Variants in MBTD1 observed in about 807,000 individuals in gnomAD.
The protein encoded by MBTD1 is mbt domain containing 1.
Under a neutral mutation model 87.8 loss-of-function variants are expected in MBTD1, and 24 were observed. The observed-to-expected ratio is 0.27, with a 90% CI of 0.20 to 0.38. MBTD1 has a LOEUF of 0.38. MBTD1 is among the 10% of genes least tolerant of loss of function. The pLI is 1.00. For synonymous variants in MBTD1, 237 were observed against 248.6 expected, an observed-to-expected ratio of 0.95 and a Z score of 0.44; for missense variants, 436 against 760.2, an observed-to-expected ratio of 0.57 and a Z score of 5.02.
intron 6 of MBTD1, among the ~76,000 whole-genome samples, chr17:51,208,392 C>T (rs2051975651): frequency 6.6e-6 from 1 of 152,216 alleles, no homozygotes; most frequent in Admixed American, 6.5e-5. Flanking sequence ...TTCATTGTGA[C>T]TACCTCTTCT....
chr17:51,218,112 ACTTCTATTTACTCACTTATTGCCT>A (rs1472271471), intron 5 of MBTD1, among the ~76,000 whole-genome samples: 7 of 151,992 alleles, frequency 4.6e-5, no homozygotes, highest in East Asian at 1.9e-4. Flanking sequence ...CTTTCTATTT[ACTTCTATTTACTCACTTATTGCCT>A]CTTCTATTTA....
chr17:51,191,005 G>A (rs990654996), intron 16 of MBTD1, among the ~76,000 whole-genome samples: 7 of 151,588 alleles, frequency 4.6e-5, no homozygotes, highest in African/African-American at 1.7e-4. Context: ...GACTGCTTGA[G>A]CCAGGGAAGG....
intron 12 of MBTD1, among the ~76,000 whole-genome samples, chr17:51,198,466 C>T (rs1050454343): frequency 1.3e-5 from 2 of 152,240 alleles, no homozygotes; most frequent in African/African-American, 4.8e-5. Context: ...TTACTACTCT[C>T]AAGCTTGAGA....
In MBTD1 at chr17:51,195,201, T is replaced by G. The variant is rs780425489; in HGVS notation, c.1372+13A>C. On this transcript the variant is annotated intron_variant, in intron 13 of 16. Coordinates refer to ENST00000586178, the MANE Select transcript of MBTD1 (RefSeq NM_017643.3). ...AACAATTAAAACCCAGTGTTTATAT[T>G]AGGATGAAGTACCTCTGGGTGGAGT... 1.9e-6 allele frequency: 3 copies of G among 1,603,808 alleles called. No individual in the cohort carries two copies. The highest frequency in any genetic ancestry group is 1.7e-6 in the Non-Finnish European group (2 of 1,176,488).
intron 2 of MBTD1, among the ~76,000 whole-genome samples, chr17:51,231,331 G>A (rs2053539694): frequency 6.6e-6 from 1 of 152,122 alleles, no homozygotes; most frequent in East Asian, 1.9e-4. Flanking sequence ...ACCCTTAAAT[G>A]TCAACCCAGA....
chr17:51,224,235 T>A (rs1424066894), intron 3 of MBTD1, among the ~76,000 whole-genome samples: 1 of 152,142 alleles, frequency 6.6e-6, no homozygotes, highest in African/African-American at 2.4e-5. Flanking sequence ...CAGAATACAG[T>A]GACCAGGATA....
chr17:51,260,524 G>A (rs994141269), upstream of MBTD1: 12 of 1,535,520 alleles, frequency 7.8e-6, no homozygotes, highest in South Asian at 6.2e-5. Context: ...CCCGCGAGGG[G>A]CCTGGGCGCA....
chr17:51,241,628 A>G (rs926695530), intron 2 of MBTD1, among the ~76,000 whole-genome samples: 4 of 151,996 alleles, frequency 2.6e-5, no homozygotes, highest in Admixed American at 2.0e-4. Context: ...CAGTGGTGCT[A>G]TCCTGGCTCA....
At chr17:51,183,983 G>GT (rs1361297123) in intron 16 of MBTD1, 1 of 152,194 alleles carries the variant, frequency 6.6e-6, no homozygotes, top group East Asian at 1.9e-4. Context: ...TTAAAAAAAT[G>GT]TAAGAAAGGT....
At chr17:51,237,867 G>A (rs1424038731) in intron 2 of MBTD1, among the ~76,000 whole-genome samples, 1 of 152,112 alleles carries the variant, frequency 6.6e-6, no homozygotes, top group East Asian at 1.9e-4. Context: ...CCCCAAACTG[G>A]AAACAATTTA....
Position 51,203,837 on chromosome 17 carries a change from T to G in MBTD1, c.693A>C (p.Pro231=). 1 of 1,613,682 alleles carries G rather than the reference T, an allele frequency of 6.2e-7. No individual in the cohort carries two copies. The highest frequency in any genetic ancestry group is 8.5e-7 in the Non-Finnish European group (1 of 1,179,816). The change falls in exon 8 of 17, where the codon CCA becomes CCC. Residue 231 remains proline, a synonymous_variant. Transcript: ENST00000586178. ...TTCCGCTGGCTGCACACCAACCAAC[T>G]GGATGGATATCAGAACCACATATAT... ...WCNICGSDIH[P]VGWCAASGKP...
intron 2 of MBTD1, among the ~76,000 whole-genome samples, chr17:51,234,820 A>G (rs984735933): frequency 3.9e-5 from 6 of 152,142 alleles, no homozygotes; most frequent in Admixed American, 2.0e-4. Context: ...CAGCCTCCCA[A>G]GTAGCTGGGA....
rs567881115 is a variant in MBTD1 at position 51,217,636 on chromosome 17, T to C, written c.404-220A>G. 4.6e-5 allele frequency among the ~76,000 whole-genome samples: 7 copies of C among 152,174 alleles called. No individual in the cohort carries two copies. The East Asian group carries it at 1.2e-3, about 25-fold the overall frequency. On this transcript the variant is annotated intron_variant, in intron 5 of 16. Coordinates refer to ENST00000586178, the MANE Select transcript of MBTD1 (RefSeq NM_017643.3). ...GTTTCTTTATGTTTTTGAGACTGAG[T>C]CTCCCTCTGACACCTAGGCTGGAGT... is the stretch of plus-strand genomic sequence containing the variant.
At chr17:51,190,750 A>AAAAAATATATATATATATATATAT (rs1555677185) in intron 16 of MBTD1, among the ~76,000 whole-genome samples, 1 of 39,684 alleles carries the variant, frequency 2.5e-5, no homozygotes, top group Non-Finnish European at 4.1e-5. Flanking sequence ...AAAAAAAAAA[A>AAAAAATATATATATATATATATAT]ATATATATAT....
At chr17:51,217,959 T>C (rs1036953051) in intron 5 of MBTD1, among the ~76,000 whole-genome samples, 3 of 152,172 alleles carry the variant, frequency 2.0e-5, no homozygotes, top group African/African-American at 7.2e-5. Context: ...ACAAGCTCTT[T>C]GGTTAAGGGG....
At chr17:51,202,162 G>T (rs554387270) in intron 10 of MBTD1, 85 bp from the exon 11 acceptor site, 27 of 778,340 alleles carry the variant, frequency 3.5e-5, no homozygotes, top group Middle Eastern at 2.3e-4. Context: ...AACTCACAAA[G>T]TATGTCATAC....
chr17:51,229,612 A>T (rs2053437180), intron 2 of MBTD1, among the ~76,000 whole-genome samples: 2 of 151,800 alleles, frequency 1.3e-5, no homozygotes, highest in African/African-American at 4.8e-5. Context: ...TTGGGAGGTT[A>T]TATACACGTT....
chr17:51,242,119 A>T (rs1394705298), intron 2 of MBTD1, among the ~76,000 whole-genome samples: 1 of 152,244 alleles, frequency 6.6e-6, no homozygotes, highest in South Asian at 2.1e-4. Flanking sequence ...GGGGAATGAT[A>T]TAAGAAATAA....
chr17:51,251,547 C>T (rs2144208674), intron 2 of MBTD1: 1 of 152,212 alleles, frequency 6.6e-6, no homozygotes, highest in Non-Finnish European at 1.5e-5. Flanking sequence ...ATCTTTGTAC[C>T]TTGTCTAAAG....
Sources: allele counts gnomAD v4.1 joint callset (sites outside exome capture counted in the v4.1 genomes callset), GRCh38; gene constraint gnomAD v4.1.1; transcripts MANE v1.5; gene names NCBI Gene and HGNC (gene_info 2026-07-23, HGNC 2026-07-21).